KCNQ1: variants seen among roughly 807,000 people sequenced by gnomAD.
The protein encoded by KCNQ1 is potassium voltage-gated channel subfamily KQT member 1.
In KCNQ1, 49 loss-of-function variants were observed where a neutral mutation model predicts 72.4. That is an observed-to-expected ratio of 0.68 (90% CI 0.54 to 0.86). The LOEUF is 0.86. KCNQ1 is among the 40% of genes least tolerant of loss of function. The probability of loss-of-function intolerance (pLI) is 0.00; values close to 1 mark genes in which losing one functional copy is unlikely to be tolerated. For synonymous variants in KCNQ1, 450 were observed against 412.6 expected, an observed-to-expected ratio of 1.09 and a Z score of -1.10; for missense variants, 790 against 945.1, an observed-to-expected ratio of 0.84 and a Z score of 2.15.
rs1284956662 is a variant in KCNQ1, at chr11:2,508,422, C to T, written c.387-19506C>T. Among the ~76,000 whole-genome samples the T allele has an allele frequency of 6.6e-6, 1 of 152,156 alleles. No homozygotes were observed. The highest frequency in any genetic ancestry group is 1.5e-5 in the Non-Finnish European group (1 of 68,008). Reference sequence around the variant, plus strand: ...GTGCCCTGGACACTGCACCTCAGGTCAGGACACAGCTCCCGAGGCCTGGCT... The same window carrying T: ...GTGCCCTGGACACTGCACCTCAGGTTAGGACACAGCTCCCGAGGCCTGGCT... On this transcript the variant is annotated intron_variant, in intron 1 of 15. Transcript: ENST00000155840. The surrounding 1 kb of genome is among the most constrained non-coding windows in gnomAD (Gnocchi z 6.2).
Position 2,526,342 on chromosome 11 carries a change from G to A in KCNQ1, c.387-1586G>A, listed in dbSNP as rs179426. Among the ~76,000 whole-genome samples, 70,546 of 151,792 alleles carry A rather than the reference G, an allele frequency of 0.46. 17,706 individuals are homozygous for A. Among genetic ancestry groups the A allele is most frequent in the African/African-American group, 0.62 (25,839 of 41,370 alleles). Reference sequence around the variant, plus strand: ...TTCGGCTCTGCAGGTAGAGCTGACCGGTGTGGCAGGGACAGGGTGTCGGTG... The same window carrying A: ...TTCGGCTCTGCAGGTAGAGCTGACCAGTGTGGCAGGGACAGGGTGTCGGTG... On this transcript the variant is annotated intron_variant, in intron 1 of 15. Coordinates refer to ENST00000155840, the MANE Select transcript of KCNQ1 (RefSeq NM_000218.3). This position sits in a 1 kb window ranked among gnomAD's most constrained non-coding sequence, Gnocchi z 6.1.
intron 2 of KCNQ1, among the ~76,000 whole-genome samples, chr11:2,539,348 C>T (rs1418737693): frequency 2.6e-5 from 4 of 152,214 alleles, no homozygotes; most frequent in Non-Finnish European, 4.4e-5. Flanking sequence ...CTGGTTCCAT[C>T]GTCTTCCCTG....
rs923133007 is a variant in KCNQ1 at position 2,518,380 on chromosome 11, G to T, written c.387-9548G>T. Among the ~76,000 whole-genome samples the T allele has an allele frequency of 3.9e-5, 6 of 152,242 alleles. No homozygotes were observed. In the South Asian group the frequency reaches 8.3e-4, roughly 21 times the overall value. On this transcript the variant is annotated intron_variant, in intron 1 of 15. Coordinates refer to ENST00000155840, the MANE Select transcript of KCNQ1 (RefSeq NM_000218.3). ...GTAGACGCTGCCTTGGGACAGGAGA[G>T]ACAGAGGCGGGGGGACCAGGGGAGT...
chr11:2,846,334 C>G (rs1412346387), intron 15 of KCNQ1, among the ~76,000 whole-genome samples: 2 of 152,196 alleles, frequency 1.3e-5, no homozygotes, highest in Non-Finnish European at 1.5e-5. Context: ...GCCCTTATCG[C>G]GTGCTGATCT....
chr11:2,535,204 C>T (rs1017567370), intron 2 of KCNQ1, among the ~76,000 whole-genome samples: 13 of 152,220 alleles, frequency 8.5e-5, no homozygotes, highest in African/African-American at 3.1e-4. Flanking sequence ...ACGCTAGACA[C>T]TGGCCTGCAG....
chr11:2,527,759 C>T (rs955921654), intron 1 of KCNQ1, among the ~76,000 whole-genome samples, 169 bp from the exon 2 acceptor site: 1 of 152,248 alleles, frequency 6.6e-6, no homozygotes, highest in Admixed American at 6.5e-5. Context: ...ATCCCTCGTG[C>T]GGACCTACCT....
intron 11 of KCNQ1, among the ~76,000 whole-genome samples, chr11:2,758,104 C>T (rs1260319877): frequency 2.0e-5 from 3 of 152,010 alleles, no homozygotes; most frequent in African/African-American, 7.3e-5. Flanking sequence ...TGTGAAAGCC[C>T]CAGTGAAGGG....
At chr11:2,472,940 C>T (rs551497244) in intron 1 of KCNQ1, among the ~76,000 whole-genome samples, 8 of 152,058 alleles carry the variant, frequency 5.3e-5, no homozygotes, top group African/African-American at 1.4e-4. Context: ...ACCCCAGCAC[C>T]GAGATGGGCA....
In KCNQ1 at chr11:2,471,651, T is replaced by G. The variant is rs1242585462; in HGVS notation, c.386+26167T>G. On this transcript the variant is annotated intron_variant, in intron 1 of 15. Coordinates refer to ENST00000155840, the MANE Select transcript of KCNQ1 (RefSeq NM_000218.3). The surrounding 1 kb of genome is among the most constrained non-coding windows in gnomAD (Gnocchi z 4.8). ...GTATGCACGGATGTGTGTACACATG[T>G]GTATGGGTGTGTGCATGGGTGTGCA... Among the ~76,000 whole-genome samples, 1 of 151,774 alleles carries G rather than the reference T, an allele frequency of 6.6e-6. No individual in the cohort carries two copies. Among genetic ancestry groups the G allele is most frequent in the African/African-American group, 2.4e-5 (1 of 41,292 alleles).
intron 1 of KCNQ1, chr11:2,461,322 T>C: frequency 1.1e-6 from 1 of 891,670 alleles, no homozygotes; most frequent in Non-Finnish European, 1.5e-6. Flanking sequence ...AGATTTGTAG[T>C]CTGGTTGCTG....
At chr11:2,580,627 G>A (rs1028782681) in intron 6 of KCNQ1, among the ~76,000 whole-genome samples, 1 of 152,186 alleles carries the variant, frequency 6.6e-6, no homozygotes, top group African/African-American at 2.4e-5. Flanking sequence ...CACAGAGAGT[G>A]CTGCCGTCCC....
Position 2,658,011 on chromosome 11 carries a change from C to T in KCNQ1, c.1394-3950C>T. On this transcript the variant is annotated intron_variant, in intron 10 of 15. Transcript: ENST00000155840. The surrounding 1 kb of genome is among the most constrained non-coding windows in gnomAD (Gnocchi z 4.9). ...CACTGTAAGTGAATAGCTGTTTTTCCCTTTCCATAGCTTAGTCTTTAGAAG... is the reference window on the plus strand; with the variant it reads ...CACTGTAAGTGAATAGCTGTTTTTCTCTTTCCATAGCTTAGTCTTTAGAAG... 1 of 398,564 alleles carries T rather than the reference C, an allele frequency of 2.5e-6. No individual in the cohort carries two copies. Among genetic ancestry groups the T allele is most frequent in the Non-Finnish European group, 4.4e-6 (1 of 226,052 alleles). 24.7% of individuals were successfully genotyped at this position (398,564 alleles called of 1,614,324 possible).
intron 11 of KCNQ1, chr11:2,686,271 T>C (rs1425174575): frequency 1.0e-5 from 4 of 398,652 alleles, no homozygotes; most frequent in African/African-American, 4.1e-5. Flanking sequence ...ACCCCAGTAC[T>C]GCCACTGGCT....
intron 1 of KCNQ1, chr11:2,521,632 C>T (rs888295704): frequency 1.8e-5 from 8 of 434,066 alleles, no homozygotes; most frequent in East Asian, 7.4e-5. Flanking sequence ...GAGCTGCCCA[C>T]GTGTCTTTGC....
rs545404745 is a variant in KCNQ1, at chr11:2,602,408, T to C, written c.1393+13554T>C. On this transcript the variant is annotated intron_variant, in intron 10 of 15. Transcript: ENST00000155840. The surrounding 1 kb of genome is among the most constrained non-coding windows in gnomAD (Gnocchi z 4.8). The stretch of plus-strand genomic sequence containing the variant: ...TGTAAGGTTCTTGTGTGAACATAAG[T>C]TTTTATTTCTTTGGGATAAAAGCCC... 6.6e-5 allele frequency among the ~76,000 whole-genome samples: 10 copies of C among 152,328 alleles called. No homozygotes were observed. Among genetic ancestry groups the C allele is most frequent in the Middle Eastern group, 3.4e-3 (1 of 294 alleles).
chr11:2,730,833 C>T (rs574842776), intron 11 of KCNQ1, among the ~76,000 whole-genome samples: 5 of 152,284 alleles, frequency 3.3e-5, no homozygotes, highest in East Asian at 1.9e-4. Flanking sequence ...GGGGGACAGA[C>T]GCTGGAGCCG....
At chr11:2,520,676 G>T (rs1055033253) in intron 1 of KCNQ1, among the ~76,000 whole-genome samples, 4 of 152,214 alleles carry the variant, frequency 2.6e-5, no homozygotes, top group Non-Finnish European at 5.9e-5. Flanking sequence ...CATCAGGGAT[G>T]GAGGGAGACC....
chr11:2,709,299 AT>A (rs1484497757), intron 11 of KCNQ1, among the ~76,000 whole-genome samples: 4 of 142,706 alleles, frequency 2.8e-5, no homozygotes, highest in African/African-American at 7.9e-5. Flanking sequence ...CATGAGAAAT[AT>A]CAAACCTGGG....
At chr11:2,701,480 G>A (rs1432205999) in intron 11 of KCNQ1, among the ~76,000 whole-genome samples, 1 of 152,226 alleles carries the variant, frequency 6.6e-6, no homozygotes, top group Admixed American at 6.5e-5. Context: ...TCATCTGCCT[G>A]TCCGAGAGGC....
Sources: allele counts gnomAD v4.1 joint callset (sites outside exome capture counted in the v4.1 genomes callset), GRCh38; gene constraint gnomAD v4.1.1; non-coding constraint Gnocchi (gnomAD v3.1); transcripts MANE v1.5; gene names NCBI Gene and HGNC (gene_info 2026-07-23, HGNC 2026-07-21).